DCDC1: variants seen among roughly 807,000 people sequenced by gnomAD.
DCDC1 encodes the protein doublecortin domain containing 1.
DCDC1 carries 200 observed loss-of-function variants against 178.3 expected under a neutral mutation model. That is an observed-to-expected ratio of 1.12 (90% CI 1.00 to 1.26). The LOEUF is 1.26. Ranked by LOEUF, DCDC1 falls within the 50% of genes most tolerant of loss-of-function variation. DCDC1 has a pLI of 0.00. For synonymous variants in DCDC1, 690 were observed against 604.8 expected, an observed-to-expected ratio of 1.14 and a Z score of -2.07; for missense variants, 1,983 against 1,749.2, an observed-to-expected ratio of 1.13 and a Z score of -2.38.
intron 20 of DCDC1, among the ~76,000 whole-genome samples, chr11:30,970,129 T>A (rs759420593): frequency 1.3e-5 from 2 of 152,074 alleles, no homozygotes; most frequent in Non-Finnish European, 2.9e-5. Context: ...AAGTAAGATA[T>A]CCCTAGCAAT....
chr11:31,328,858 C>T (rs959329001), intron 2 of DCDC1, among the ~76,000 whole-genome samples: 86 of 129,102 alleles, frequency 6.7e-4, no homozygotes, highest in Non-Finnish European at 1.2e-3. Flanking sequence ...TGTTGGAAAA[C>T]ATTTTAATTT....
chr11:30,888,090 A>AAG (rs1344975957), intron 36 of DCDC1, among the ~76,000 whole-genome samples: 2 of 126,766 alleles, frequency 1.6e-5, no homozygotes, highest in African/African-American at 6.1e-5. Context: ...GAGAGAAAGA[A>AAG]AGAAAGAAAA....
At chr11:31,031,691 A>AGG (rs1322421091) in intron 20 of DCDC1, among the ~76,000 whole-genome samples, 1 of 152,130 alleles carries the variant, frequency 6.6e-6, no homozygotes, top group Non-Finnish European at 1.5e-5. Context: ...AAAGAAAGCC[A>AGG]GCAATATTGT....
At chr11:30,882,828 T>A (rs962161821) in intron 36 of DCDC1, 2 of 152,212 alleles carry the variant, frequency 1.3e-5, no homozygotes, top group Admixed American at 6.5e-5. Context: ...GAAAAAGATT[T>A]ACAGCAGGAG....
intron 20 of DCDC1, among the ~76,000 whole-genome samples, chr11:31,064,246 C>T (rs578029479): frequency 1.7e-4 from 26 of 152,040 alleles, no homozygotes; most frequent in Non-Finnish European, 3.5e-4. Context: ...AGGACAGCAA[C>T]CCATCCTAAG....
At chr11:30,968,709 A>T (rs1405748544) in intron 20 of DCDC1, among the ~76,000 whole-genome samples, 270 of 62,046 alleles carry the variant, frequency 4.4e-3, no homozygotes, top group African/African-American at 0.018. Flanking sequence ...ATATATATCA[A>T]ATTATATATA....
intron 36 of DCDC1, among the ~76,000 whole-genome samples, chr11:30,881,713 A>G (rs1442032279): frequency 1.3e-5 from 2 of 152,182 alleles, no homozygotes; most frequent in African/African-American, 4.8e-5. Flanking sequence ...GTTACTTCAG[A>G]CAGGTAACTT....
chr11:31,133,414 A>G (rs951994768), intron 10 of DCDC1, among the ~76,000 whole-genome samples: 1 of 152,206 alleles, frequency 6.6e-6, no homozygotes, highest in Non-Finnish European at 1.5e-5. Flanking sequence ...TTAACAGCAT[A>G]TTTAAGATGA....
intron 20 of DCDC1, among the ~76,000 whole-genome samples, chr11:30,974,534 C>T (rs924199993): frequency 6.6e-6 from 1 of 151,996 alleles, no homozygotes; most frequent in Non-Finnish European, 1.5e-5. Flanking sequence ...GGAGACATTA[C>T]AACTAATACC....
At chr11:31,188,157 A>G (rs985098366) in intron 9 of DCDC1, among the ~76,000 whole-genome samples, 12 of 152,094 alleles carry the variant, frequency 7.9e-5, no homozygotes, top group African/African-American at 2.4e-4. Flanking sequence ...AACCCTGTAC[A>G]GTAGGTATAT....
At chr11:30,892,733 A>C in intron 36 of DCDC1, 85 bp downstream of exon 36, 2 of 1,503,424 alleles carry the variant, frequency 1.3e-6, no homozygotes, top group East Asian at 4.5e-5. Context: ...TCATAGAAGT[A>C]ATTTGCTTGA....
intron 36 of DCDC1, among the ~76,000 whole-genome samples, chr11:30,888,054 GAA>G (rs1330117779): frequency 4.7e-4 from 34 of 72,542 alleles, no homozygotes; most frequent in Admixed American, 1.1e-3. Context: ...AAGAAAGAAA[GAA>G]AGAAAGAGAG....
At chr11:30,934,528 A>G (rs1323467374) in intron 21 of DCDC1, among the ~76,000 whole-genome samples, 2 of 152,140 alleles carry the variant, frequency 1.3e-5, no homozygotes, top group Non-Finnish European at 2.9e-5. Flanking sequence ...GGCTTACTGA[A>G]TACTGCCCCC....
At chr11:31,125,849 T>C (rs1297346143) in intron 11 of DCDC1, among the ~76,000 whole-genome samples, 3 of 152,086 alleles carry the variant, frequency 2.0e-5, no homozygotes, top group Non-Finnish European at 4.4e-5. Context: ...AAGTGATGGG[T>C]TGATAAGTGC....
intron 21 of DCDC1, 93 bp from the exon 22 acceptor site, chr11:30,932,045 A>G (rs369671495): frequency 4.0e-6 from 5 of 1,243,580 alleles, no homozygotes; most frequent in Non-Finnish European, 3.2e-6. Flanking sequence ...TATACCTTTA[A>G]TCTCTCATTC....
At chr11:31,190,232 T>G (rs1969987402) in intron 9 of DCDC1, among the ~76,000 whole-genome samples, 1 of 152,116 alleles carries the variant, frequency 6.6e-6, no homozygotes, top group Non-Finnish European at 1.5e-5. Flanking sequence ...TATTATCTGA[T>G]CATCCAAACA....
chr11:30,937,726 A>G (rs923005138), intron 21 of DCDC1, among the ~76,000 whole-genome samples: 3 of 151,828 alleles, frequency 2.0e-5, no homozygotes, highest in African/African-American at 4.8e-5. Context: ...CCATCCATCA[A>G]TCTTCCACAG....
intron 25 of DCDC1, among the ~76,000 whole-genome samples, chr11:30,919,493 C>A (rs1185776774): frequency 6.6e-6 from 1 of 151,778 alleles, no homozygotes; most frequent in Non-Finnish European, 1.5e-5. Flanking sequence ...AAAAATGTTT[C>A]TTTTTTCTTA....
chr11:30,909,282 T>A (rs1945282188), intron 28 of DCDC1, among the ~76,000 whole-genome samples, 166 bp from the exon 29 acceptor site: 1 of 152,198 alleles, frequency 6.6e-6, no homozygotes, highest in Non-Finnish European at 1.5e-5. Flanking sequence ...CAATCTTTTA[T>A]ATGTTTATAA....
Sources: allele counts gnomAD v4.1 joint callset (sites outside exome capture counted in the v4.1 genomes callset), GRCh38; gene constraint gnomAD v4.1.1; transcripts MANE v1.5; gene names NCBI Gene and HGNC (gene_info 2026-07-23, HGNC 2026-07-21).